The following H2BC12 variants were observed in gnomAD, a reference collection of about 807,000 sequenced individuals.
H2BC12 encodes the protein histone H2B type 1-K.
In H2BC12, 6 loss-of-function variants were observed where a neutral mutation model predicts 6.3. The ratio of observed to expected loss-of-function variants is 0.95; its 90% confidence interval spans 0.52 to 1.87. The LOEUF (loss-of-function observed/expected upper bound fraction) is 1.87. H2BC12 is among the 40% of genes most tolerant of loss of function. H2BC12 has a pLI of 0.01. For missense variants in H2BC12, 119 were observed against 178.4 expected (o/e 0.67, Z 1.90); for synonymous variants, 132 against 78.5 (o/e 1.68, Z -3.60).
In H2BC12 at chr6:27,146,414, A is replaced by T; in HGVS notation, c.*4T>A. On this transcript the variant is annotated 3_prime_UTR_variant, in exon 1 of 1. Coordinates refer to ENST00000356950, the MANE Select transcript of H2BC12 (RefSeq NM_001312653.2). ...TTGGGCTTTAAGACGCTTACTTGGC[A>T]AGTTTACTTAGCGCTGGTGTACTTG... 5 of 1,614,208 alleles carry T rather than the reference A, an allele frequency of 3.1e-6. No individual in the cohort carries two copies. The highest frequency in any genetic ancestry group is 4.2e-6 in the Non-Finnish European group (5 of 1,180,034).
At chr6:27,146,132 A>G (rs1760074551), downstream of H2BC12, among the ~76,000 whole-genome samples, 1 of 152,228 alleles carries the variant, frequency 6.6e-6, no homozygotes, top group Admixed American at 6.5e-5. Context: ...GCCAAGAGCC[A>G]GGAAGCACTT....
the H2BC12 span, among the ~76,000 whole-genome samples, chr6:27,140,183 T>C: frequency 6.6e-6 from 1 of 152,202 alleles, no homozygotes; most frequent in African/African-American, 2.4e-5. Context: ...GCCTTTTAAA[T>C]ACTGGAATAT....
chr6:27,139,199 A>T, the H2BC12 span: 1 of 1,241,564 alleles, frequency 8.1e-7, no homozygotes, highest in East Asian at 2.5e-5. Flanking sequence ...CCCAATGCAG[A>T]GGGACTTCCC....
downstream of H2BC12, chr6:27,146,332 A>ACGTGTTTACAG: frequency 6.3e-7 from 1 of 1,584,324 alleles, no homozygotes; most frequent in Admixed American, 1.9e-5. Context: ...GATTAGGAAC[A>ACGTGTTTACAG]CGTGTTTACA....
downstream of H2BC12, among the ~76,000 whole-genome samples, chr6:27,143,846 T>TTAA (rs1554184251): frequency 6.2e-5 from 7 of 113,588 alleles, no homozygotes; most frequent in African/African-American, 2.4e-4. Flanking sequence ...AACTACTCTT[T>TTAA]AAAAAAAAAA....
At chr6:27,141,944 T>TCCCTCA (rs1760011383), downstream of H2BC12, among the ~76,000 whole-genome samples, 2 of 152,196 alleles carry the variant, frequency 1.3e-5, no homozygotes, top group Non-Finnish European at 2.9e-5. Flanking sequence ...GCACTTACAA[T>TCCCTCA]GTGGCATGTG....
rs764611862 is a variant in H2BC12, at chr6:27,146,542, T to A, written c.257A>T (p.Lys86Met). The A allele has an allele frequency of 1.2e-6, 2 of 1,614,216 alleles. No individual in the cohort carries two copies. Among genetic ancestry groups the A allele is most frequent in the Non-Finnish European group, 1.7e-6 (2 of 1,180,040 alleles). ...CTCCCTGGAGGTGATGGTCGAGCGC[T>A]TGTTGTAATGCGCCAGGCGGGAAGC... ...GEASRLAHYN[K>M]RSTITSREIQ... The change falls in exon 1 of 1, where the codon AAG (lysine) becomes ATG (methionine). Residue 86 changes from lysine (K) to methionine (M), a missense_variant. Lys to Met is a moderately conservative substitution (Grantham distance 95, BLOSUM62 -1). This residue lies in a region of H2BC12 where 69 missense variants were observed against 141.0 expected (regional missense o/e 0.49). Transcript: ENST00000356950.
chr6:27,143,933 T>C (rs1228631468), downstream of H2BC12, among the ~76,000 whole-genome samples: 1 of 149,704 alleles, frequency 6.7e-6, no homozygotes, highest in Non-Finnish European at 1.5e-5. Flanking sequence ...GATTATGAAA[T>C]ATACAAATAA....
downstream of H2BC12, chr6:27,146,275 T>C (rs780275815): frequency 1.6e-4 from 215 of 1,376,614 alleles, no homozygotes; most frequent in Non-Finnish European, 2.1e-4. Flanking sequence ...CTCAGTGTGA[T>C]AAGATCATGA....
the H2BC12 span, chr6:27,138,577 C>T: frequency 1.3e-5 from 2 of 152,194 alleles, no homozygotes; most frequent in East Asian, 1.9e-4. Flanking sequence ...GTTGCATTCT[C>T]GTCTTCTTTT....
rs373240509 is a variant in H2BC12, at chr6:27,146,777, C to T, written c.22G>A (p.Ala8Thr). 1.7e-5 allele frequency: 27 copies of T among 1,613,976 alleles called. 1 individual carries two copies. The African/African-American group carries it at 1.7e-4, about 10-fold the overall frequency. The change falls in exon 1 of 1, where the codon GCT (alanine) becomes ACT (threonine). Residue 8 changes from alanine (A) to threonine (T), a missense_variant. Coordinates refer to ENST00000356950, the MANE Select transcript of H2BC12 (RefSeq NM_001312653.2). MPEPAKS[A>T]PAPKKGSKKA... Reference sequence around the variant, plus strand: ...TTCGAGCCCTTCTTGGGCGCGGGAGCGGACTTCGCTGGTTCCGGCATGTTG... The same window carrying T: ...TTCGAGCCCTTCTTGGGCGCGGGAGTGGACTTCGCTGGTTCCGGCATGTTG...
chr6:27,139,281 C>G, the H2BC12 span: 1 of 1,566,452 alleles, frequency 6.4e-7, no homozygotes, highest in Non-Finnish European at 8.7e-7. Context: ...TCACAGGCAG[C>G]AGACCTTTGT....
chr6:27,139,471 A>G, the H2BC12 span: 1 of 1,613,946 alleles, frequency 6.2e-7, no homozygotes, highest in East Asian at 2.2e-5. Context: ...CTATGAGGAG[A>G]CCCGCGGAGT....
chr6:27,142,819 C>A (rs1441656786), downstream of H2BC12, among the ~76,000 whole-genome samples: 2 of 150,714 alleles, frequency 1.3e-5, no homozygotes, highest in Non-Finnish European at 3.0e-5. Context: ...GTATTTTTAG[C>A]AGAGACGGGG....
At chr6:27,142,193 A>C (rs146524851), downstream of H2BC12, among the ~76,000 whole-genome samples, 602 of 152,372 alleles carry the variant, frequency 4.0e-3, 6 homozygotes, top group African/African-American at 0.014. Context: ...AAGATATTTA[A>C]TACATTCTGT....
chr6:27,140,838 C>G, the H2BC12 span, among the ~76,000 whole-genome samples: 4 of 151,588 alleles, frequency 2.6e-5, no homozygotes, highest in Non-Finnish European at 5.9e-5. Context: ...TGTAAATATT[C>G]TTTATATATT....
chr6:27,139,741 C>A, the H2BC12 span: 2 of 1,396,262 alleles, frequency 1.4e-6, no homozygotes, highest in Non-Finnish European at 1.9e-6. Flanking sequence ...TCAGTGAGTT[C>A]TGTCATCCTA....
At chr6:27,142,463 C>T (rs1343996146), downstream of H2BC12, among the ~76,000 whole-genome samples, 1 of 149,748 alleles carries the variant, frequency 6.7e-6, no homozygotes, top group African/African-American at 2.5e-5. Flanking sequence ...TAAGTAGAGA[C>T]ATGTTGGCCA....
At chr6:27,139,544 G>A in the H2BC12 span, 8 of 1,614,150 alleles carry the variant, frequency 5.0e-6, no homozygotes, top group African/African-American at 9.3e-5. Context: ...CACGCCAAGC[G>A]CAAGACGGTC....
Sources: allele counts gnomAD v4.1 joint callset (sites outside exome capture counted in the v4.1 genomes callset), GRCh38; gene constraint gnomAD v4.1.1; regional missense constraint gnomAD v4.1.1; transcripts MANE v1.5; gene names NCBI Gene and HGNC (gene_info 2026-07-23, HGNC 2026-07-21).